The following TGFBI variants were observed in gnomAD, a reference collection of about 807,000 sequenced individuals.
TGFBI encodes transforming growth factor-beta-induced protein ig-h3.
TGFBI carries 50 observed loss-of-function variants against 73.7 expected under a neutral mutation model. The observed-to-expected ratio is 0.68, with a 90% CI of 0.54 to 0.86. The LOEUF is 0.86. Ranked by LOEUF, TGFBI falls within the 40% of genes least tolerant of loss-of-function variation. TGFBI has a pLI of 0.00. For synonymous variants in TGFBI, 362 were observed against 360.5 expected (o/e 1.00, Z -0.05); for missense variants, 839 against 877.0 (o/e 0.96, Z 0.55).
intron 10 of TGFBI, chr5:136,055,434 T>C (rs1446932798): frequency 7.8e-6 from 3 of 384,486 alleles, no homozygotes; most frequent in Non-Finnish European, 1.4e-5. Flanking sequence ...GTAACTGATA[T>C]TCTCATTATG....
chr5:136,031,371 T>C (rs1411769914), intron 1 of TGFBI, among the ~76,000 whole-genome samples: 1 of 152,262 alleles, frequency 6.6e-6, no homozygotes, highest in Admixed American at 6.5e-5. Flanking sequence ...CTTTGCTATT[T>C]TAAGGAATTG....
intron 1 of TGFBI, among the ~76,000 whole-genome samples, chr5:136,030,753 G>A (rs918741164): frequency 2.0e-5 from 3 of 152,148 alleles, no homozygotes; most frequent in African/African-American, 7.2e-5. Flanking sequence ...ATGTTTGGGT[G>A]CCTCAATTTG....
At position 136,058,120 on chromosome 5, in the gene TGFBI, A is replaced by G. The variant is rs531913141; in HGVS notation, c.1679-970A>G. On this transcript the variant is annotated intron_variant, in intron 12 of 16. Transcript: ENST00000442011. ...ACCCCAGGGGCTGGTGTGGCTCTGTACTTCCAGGCAATATTTTGTGGAAGG... is the reference window on the plus strand; with the variant it reads ...ACCCCAGGGGCTGGTGTGGCTCTGTGCTTCCAGGCAATATTTTGTGGAAGG... Among the ~76,000 whole-genome samples, 148 of 152,198 alleles carry G rather than the reference A, an allele frequency of 9.7e-4. 1 individual carries two copies. The South Asian group carries it at 0.013, about 13-fold the overall frequency.
At chr5:136,056,873 A>G in intron 12 of TGFBI, 78 bp downstream of exon 12, 2 of 1,496,272 alleles carry the variant, frequency 1.3e-6, no homozygotes, top group Non-Finnish European at 9.0e-7. Context: ...AACAGTTGGC[A>G]CATCAAGGAT....
chr5:136,038,152 G>T (rs1751263853), intron 2 of TGFBI, among the ~76,000 whole-genome samples: 1 of 152,152 alleles, frequency 6.6e-6, no homozygotes, highest in African/African-American at 2.4e-5. Context: ...TGAGGGTTCT[G>T]TCCCATTCTG....
intron 2 of TGFBI, among the ~76,000 whole-genome samples, chr5:136,036,780 G>T (rs754441335): frequency 2.6e-5 from 4 of 152,196 alleles, no homozygotes; most frequent in African/African-American, 4.8e-5. Flanking sequence ...GACTGTCTCT[G>T]CATGAGGTCC....
chr5:136,046,112 C>T, intron 3 of TGFBI: 1 of 465,458 alleles, frequency 2.1e-6, no homozygotes, highest in Non-Finnish European at 3.8e-6. Context: ...TAAAAATCAC[C>T]AATTAGTTGA....
intron 7 of TGFBI, among the ~76,000 whole-genome samples, chr5:136,050,270 T>C (rs1178689092): frequency 2.7e-5 from 4 of 150,742 alleles, no homozygotes; most frequent in Admixed American, 2.6e-4. Context: ...AGGTGGAGGT[T>C]GCAGTGAGCC....
intron 8 of TGFBI, 107 bp downstream of exon 8, chr5:136,053,226 C>T: frequency 9.6e-7 from 1 of 1,040,404 alleles, no homozygotes; most frequent in Non-Finnish European, 1.4e-6. Context: ...GACTTCCCTG[C>T]CTGGACCCAG....
chr5:136,029,447 G>T (rs4976460), intron 1 of TGFBI, among the ~76,000 whole-genome samples: 148,361 of 152,166 alleles, frequency 0.97, 72,349 homozygotes, highest in East Asian at 1. Context: ...GACTTTCGAC[G>T]CAGGCCAAGA....
intron 11 of TGFBI, 145 bp downstream of exon 11, chr5:136,055,961 G>A: frequency 1.2e-6 from 1 of 866,088 alleles, no homozygotes; most frequent in Non-Finnish European, 1.6e-6. Flanking sequence ...TCCAGACTTG[G>A]GATGGGGAAA....
rs779200227 is a variant in TGFBI at position 136,054,838 on chromosome 5, CTG to C, written c.1388_1389del (p.Leu463GlnfsTer7). ...QTLETLGGKK[L>X]RVFVYRNSLC... ...CCTGGAAACTCTGGGCGGCAAAAAA[CTG>C]AGAGTTTTTGTTTATCGTAATGTAA... On this transcript the variant is annotated frameshift_variant, in exon 10 of 17. Transcript: ENST00000442011. LOFTEE classifies it high-confidence loss of function. 1 of 1,613,824 alleles carries C rather than the reference CTG, an allele frequency of 6.2e-7. No homozygotes were observed. The highest frequency in any genetic ancestry group is 1.7e-5 in the Admixed American group (1 of 59,992).
In TGFBI at chr5:136,053,087, A is replaced by G. The variant is rs1380769776; in HGVS notation, c.1094A>G (p.His365Arg). Residue 365 changes from histidine (H) to arginine (R), a missense_variant, in exon 8 of 17, where the codon CAC becomes CGC. By Grantham distance (29) the His-to-Arg change is conservative (BLOSUM62 0). Coordinates refer to ENST00000442011, the MANE Select transcript of TGFBI (RefSeq NM_000358.3). ...ATCCTAGCCACCAACGGGGTGATCC[A>G]CTACATTGATGAGCTACTCATCCCA... Reference protein sequence around the residue: ...KDILATNGVIHYIDELLIPDS... With the variant: ...KDILATNGVIRYIDELLIPDS... 1 of 1,613,906 alleles carries G rather than the reference A, an allele frequency of 6.2e-7. No homozygotes were observed. The highest frequency in any genetic ancestry group is 1.3e-5 in the African/African-American group (1 of 74,940).
chr5:136,049,300 T>TG, intron 6 of TGFBI, 139 bp from the exon 7 acceptor site: 1 of 1,171,730 alleles, frequency 8.5e-7, no homozygotes, highest in Middle Eastern at 2.9e-4. Context: ...TGGGTGAGCT[T>TG]GGGTTTGGCT....
Position 136,063,236 on chromosome 5 carries a change from C to A in TGFBI, c.*10C>A. 6.2e-7 allele frequency: 1 copy of A among 1,612,834 alleles called. No homozygotes were observed. Among genetic ancestry groups the A allele is most frequent in the Non-Finnish European group, 8.5e-7 (1 of 1,178,976 alleles). Reference sequence around the variant, plus strand: ...GAGGATGAAGCATTAGCTTGAAGCACTACAGGAGGAATGCACCACGGCAGC... The same window carrying A: ...GAGGATGAAGCATTAGCTTGAAGCAATACAGGAGGAATGCACCACGGCAGC... On this transcript the variant is annotated 3_prime_UTR_variant, in exon 17 of 17. Coordinates refer to ENST00000442011, the MANE Select transcript of TGFBI (RefSeq NM_000358.3).
chr5:136,050,523 C>T (rs1751515915), intron 7 of TGFBI, among the ~76,000 whole-genome samples: 1 of 152,060 alleles, frequency 6.6e-6, no homozygotes, highest in South Asian at 2.1e-4. Flanking sequence ...TCTGCCTTCC[C>T]CCTACCCTGC....
intron 5 of TGFBI, 114 bp from the exon 6 acceptor site, chr5:136,047,160 C>T (rs1751444848): frequency 8.5e-6 from 13 of 1,525,888 alleles, no homozygotes; most frequent in South Asian, 3.7e-5. Flanking sequence ...TATTCCACAG[C>T]TTGTGGAACC....
intron 2 of TGFBI, among the ~76,000 whole-genome samples, chr5:136,034,802 A>G (rs1751186361): frequency 6.6e-6 from 1 of 152,130 alleles, no homozygotes; most frequent in African/African-American, 2.4e-5. Flanking sequence ...TGTATGACAA[A>G]TCTCCTGAGC....
Position 136,061,532 on chromosome 5 carries a change from G to T in TGFBI, c.1939G>T (p.Ala647Ser). 1 of 1,611,524 alleles carries T rather than the reference G, an allele frequency of 6.2e-7. No individual in the cohort carries two copies. The highest frequency in any genetic ancestry group is 8.5e-7 in the Non-Finnish European group (1 of 1,178,858). ...NRPQERGDEL[A>S]DSALEIFKQA... ...ACCTCAGGAAAGAGGGGATGAACTT[G>T]CAGACTCTGCGCTTGAGATCTTCAA... is the stretch of plus-strand genomic sequence containing the variant. The change falls in exon 15 of 17, where the codon GCA becomes TCA. Residue 647 changes from alanine (A) to serine (S), a missense_variant. By Grantham distance (99) the Ala-to-Ser change is moderately conservative. Transcript: ENST00000442011.
Sources: gnomAD v4.1 joint callset for allele counts (sites outside exome capture counted in the v4.1 genomes callset) on GRCh38, gnomAD v4.1.1 for gene constraint, MANE v1.5 for transcripts, NCBI Gene and HGNC (gene_info 2026-07-23, HGNC 2026-07-21) for gene names.